Variants in BAIAP2 observed in about 807,000 individuals in gnomAD.
BAIAP2 encodes the protein BAR/IMD domain-containing adapter protein 2.
Under a neutral mutation model 63.0 loss-of-function variants are expected in BAIAP2, and 18 were observed. The observed-to-expected ratio is 0.29, with a 90% CI of 0.20 to 0.42. The LOEUF is 0.42. BAIAP2 is among the 10% of genes least tolerant of loss of function. The pLI is 1.00. For synonymous variants in BAIAP2, 386 were observed against 307.6 expected (o/e 1.25, Z -2.67); for missense variants, 610 against 734.3 (o/e 0.83, Z 1.96).
At chr17:81,109,834 G>A (rs2059685342) in intron 13 of BAIAP2, 1 of 985,302 alleles carries the variant, frequency 1.0e-6, no homozygotes, top group Admixed American at 6.1e-5. Flanking sequence ...CCTTTGACCA[G>A]CCTTGTGAGG....
chr17:81,107,035 G>A (rs2059267686), intron 12 of BAIAP2, 128 bp downstream of exon 12: 3 of 1,146,716 alleles, frequency 2.6e-6, no homozygotes, highest in Non-Finnish European at 2.4e-6. Context: ...ACAGCCCTGG[G>A]GTGAAGGCTG....
chr17:81,081,360 C>CT (rs2054576291), intron 3 of BAIAP2, among the ~76,000 whole-genome samples: 1 of 152,212 alleles, frequency 6.6e-6, no homozygotes, highest in African/African-American at 2.4e-5. Flanking sequence ...TGCCCCCGGC[C>CT]TGAAGCTTCC....
intron 1 of BAIAP2, among the ~76,000 whole-genome samples, chr17:81,043,766 A>C (rs2047413143): frequency 6.6e-6 from 1 of 152,182 alleles, no homozygotes; most frequent in Admixed American, 6.5e-5. Flanking sequence ...CCCCGCCCGT[A>C]AGCTGGAGTG....
intron 3 of BAIAP2, among the ~76,000 whole-genome samples, chr17:81,061,487 T>C (rs763438901): frequency 6.6e-5 from 10 of 152,214 alleles, no homozygotes; most frequent in Admixed American, 1.3e-4. Flanking sequence ...TAATTTAGCA[T>C]GCATTTGCTG....
chr17:81,110,183 CCA>C (rs1179774741), intron 13 of BAIAP2: 2 of 985,580 alleles, frequency 2.0e-6, no homozygotes, highest in East Asian at 1.1e-4. Context: ...TAAAAGCCTC[CCA>C]CACACCTCCC....
chr17:81,044,731 A>G (rs955030663), intron 1 of BAIAP2, among the ~76,000 whole-genome samples: 2 of 152,132 alleles, frequency 1.3e-5, no homozygotes, highest in African/African-American at 4.8e-5. Flanking sequence ...CGAGCCTATG[A>G]TGGTTTTCCC....
intron 6 of BAIAP2, among the ~76,000 whole-genome samples, chr17:81,092,576 G>T (rs550033109): frequency 6.6e-6 from 1 of 152,338 alleles, no homozygotes; most frequent in East Asian, 1.9e-4. Flanking sequence ...GGTGTTTTGG[G>T]ATTTCCATGA....
In BAIAP2 at chr17:81,104,622, C is replaced by G; in HGVS notation, c.1175C>G (p.Thr392Ser). The G allele has an allele frequency of 4.3e-6, 7 of 1,611,990 alleles. No homozygotes were observed. Among genetic ancestry groups the G allele is most frequent in the Non-Finnish European group, 5.9e-6 (7 of 1,179,614 alleles). ...TCCCACGCTGCTGGGGACAACAGCA[C>G]CCTCCTGAGCTTCAAGGAGGGTGAC... Reference protein sequence around the residue: ...IFSHAAGDNSTLLSFKEGDLI... With the variant: ...IFSHAAGDNSSLLSFKEGDLI... Residue 392 changes from threonine to serine, a missense_variant, in exon 10 of 14, where the codon ACC (threonine) becomes AGC (serine). Physicochemically the swap from Thr to Ser is moderately conservative, Grantham distance 58. This residue lies in a region of BAIAP2 where 67 missense variants were observed against 132.0 expected (regional missense o/e 0.51). Transcript: ENST00000428708.
intron 6 of BAIAP2, among the ~76,000 whole-genome samples, chr17:81,099,073 C>T (rs1020820065): frequency 1.3e-5 from 2 of 149,230 alleles, no homozygotes; most frequent in South Asian, 4.3e-4. Context: ...GCCTACTTCT[C>T]ATTCCTGGTT....
chr17:81,094,629 C>G (rs1015012574), intron 6 of BAIAP2, among the ~76,000 whole-genome samples: 2 of 152,172 alleles, frequency 1.3e-5, no homozygotes, highest in Non-Finnish European at 2.9e-5. Flanking sequence ...AGGGTCCTCC[C>G]ATCTCCTTTT....
chr17:81,050,205 G>T (rs2048443020), intron 1 of BAIAP2, among the ~76,000 whole-genome samples: 1 of 152,230 alleles, frequency 6.6e-6, no homozygotes, highest in African/African-American at 2.4e-5. Context: ...GCCCGCCCGG[G>T]AAGGGGAGTC....
chr17:81,115,044 C>T (rs931863465), intron 13 of BAIAP2, among the ~76,000 whole-genome samples: 5 of 152,252 alleles, frequency 3.3e-5, no homozygotes, highest in Non-Finnish European at 2.9e-5. Context: ...GTGGGGACTC[C>T]AAAGAGAAAG....
chr17:81,092,925 T>C (rs890204387), intron 6 of BAIAP2, among the ~76,000 whole-genome samples: 5 of 151,906 alleles, frequency 3.3e-5, no homozygotes, highest in African/African-American at 1.2e-4. Context: ...AACAGAGGGG[T>C]GTGGCTGTGT....
intron 2 of BAIAP2, among the ~76,000 whole-genome samples, chr17:81,054,658 C>T (rs560487615): frequency 9.2e-5 from 14 of 152,206 alleles, no homozygotes; most frequent in South Asian, 6.2e-4. Context: ...GAGAAATGAG[C>T]GAACGCCCTG....
At chr17:81,052,619 G>C (rs1362205955) in intron 1 of BAIAP2, among the ~76,000 whole-genome samples, 3 of 152,248 alleles carry the variant, frequency 2.0e-5, no homozygotes, top group African/African-American at 7.2e-5. Flanking sequence ...GTCAAATAGC[G>C]GGTTTTCTGG....
chr17:81,100,934 G>A (rs1887132961), intron 7 of BAIAP2, among the ~76,000 whole-genome samples: 1 of 152,166 alleles, frequency 6.6e-6, no homozygotes, highest in Admixed American at 6.5e-5. Flanking sequence ...GCCTTGGGTG[G>A]TGGCCACATG....
chr17:81,112,892 A>G (rs2060082497), intron 13 of BAIAP2, among the ~76,000 whole-genome samples: 1 of 152,026 alleles, frequency 6.6e-6, no homozygotes, highest in African/African-American at 2.4e-5. Context: ...TCTTGACAAA[A>G]AAAAAAGTTA....
chr17:81,082,331 A>AT (rs1300247192), intron 3 of BAIAP2, among the ~76,000 whole-genome samples: 5 of 152,054 alleles, frequency 3.3e-5, no homozygotes, highest in Non-Finnish European at 7.4e-5. Context: ...CACATATGTG[A>AT]TACCTCCCCG....
chr17:81,079,676 C>G (rs570456868), intron 3 of BAIAP2, among the ~76,000 whole-genome samples: 2 of 152,216 alleles, frequency 1.3e-5, no homozygotes, highest in African/African-American at 4.8e-5. Context: ...ACCCCCAACA[C>G]CCCAGATCCC....
Sources: gnomAD v4.1 joint callset for allele counts (sites outside exome capture counted in the v4.1 genomes callset) on GRCh38, gnomAD v4.1.1 for gene constraint, gnomAD v4.1.1 regional missense constraint, MANE v1.5 for transcripts, NCBI Gene and HGNC (gene_info 2026-07-23, HGNC 2026-07-21) for gene names.